Variants in SSBP2 observed in about 807,000 individuals in gnomAD.
SSBP2 encodes single stranded DNA binding protein 2.
SSBP2 carries 17 observed loss-of-function variants against 61.8 expected under a neutral mutation model. That is an observed-to-expected ratio of 0.28 (90% CI 0.19 to 0.41). The LOEUF is 0.41. SSBP2 is among the 10% of genes least tolerant of loss of function. The probability of loss-of-function intolerance (pLI) is 1.00; values close to 1 mark genes in which losing one functional copy is unlikely to be tolerated. For missense variants in SSBP2, 310 were observed against 458.7 expected, an observed-to-expected ratio of 0.68 and a Z score of 2.96; for synonymous variants, 139 against 141.3, an observed-to-expected ratio of 0.98 and a Z score of 0.12.
At chr5:81,596,162 A>G (rs979196836) in intron 4 of SSBP2, among the ~76,000 whole-genome samples, 2 of 152,194 alleles carry the variant, frequency 1.3e-5, no homozygotes, top group Non-Finnish European at 2.9e-5. Flanking sequence ...AAATCAATCT[A>G]CAAAAATCAC....
At chr5:81,623,436 C>T (rs1350791716) in intron 3 of SSBP2, among the ~76,000 whole-genome samples, 4 of 147,566 alleles carry the variant, frequency 2.7e-5, no homozygotes, top group South Asian at 4.3e-4. Context: ...CCCGGGTTCA[C>T]GCCATTCTCC....
chr5:81,734,628 C>A (rs1756473484), intron 1 of SSBP2, among the ~76,000 whole-genome samples: 1 of 152,142 alleles, frequency 6.6e-6, no homozygotes, highest in South Asian at 2.1e-4. Flanking sequence ...AAATCATTAC[C>A]TTTATTGAAG....
At chr5:81,582,426 T>C (rs1230025197) in intron 4 of SSBP2, among the ~76,000 whole-genome samples, 1 of 152,182 alleles carries the variant, frequency 6.6e-6, no homozygotes, top group African/African-American at 2.4e-5. Context: ...TTGAACCTAA[T>C]GCATATGTAC....
chr5:81,675,470 T>C (rs1433476022), intron 1 of SSBP2, among the ~76,000 whole-genome samples: 2 of 152,134 alleles, frequency 1.3e-5, no homozygotes, highest in African/African-American at 4.8e-5. Flanking sequence ...GAATATACCA[T>C]TTTAGGGATG....
At chr5:81,537,587 CCATT>C (rs1770909041) in intron 4 of SSBP2, among the ~76,000 whole-genome samples, 1 of 152,184 alleles carries the variant, frequency 6.6e-6, no homozygotes, top group Non-Finnish European at 1.5e-5. Flanking sequence ...GAACAAGTCT[CCATT>C]CATCATTTAT....
chr5:81,582,569 A>G (rs1581084590), intron 4 of SSBP2, among the ~76,000 whole-genome samples: 1 of 152,276 alleles, frequency 6.6e-6, no homozygotes, highest in East Asian at 1.9e-4. Flanking sequence ...TTGATAGTAA[A>G]CATAATCAGA....
chr5:81,548,452 ACAGCACTATAC>A (rs1416857661), intron 4 of SSBP2, among the ~76,000 whole-genome samples: 1 of 152,210 alleles, frequency 6.6e-6, no homozygotes, highest in Non-Finnish European at 1.5e-5. Context: ...ATATGTTCAG[ACAGCACTATAC>A]CAGTCCTTGA....
rs200002289 is a variant in SSBP2 at position 81,732,027 on chromosome 5, C to T, written c.62+18954G>A. 1.8e-4 allele frequency among the ~76,000 whole-genome samples: 28 copies of T among 152,048 alleles called. No individual in the cohort carries two copies. The East Asian group carries it at 3.5e-3, about 19-fold the overall frequency. On this transcript the variant is annotated intron_variant, in intron 1 of 16. Coordinates refer to ENST00000320672, the MANE Select transcript of SSBP2 (RefSeq NM_012446.5). ...TGTGATTTGCTGTCTTATATCAAAT[C>T]GAGGTTACCTCTAATATCATCCACC... is the stretch of plus-strand genomic sequence containing the variant.
intron 3 of SSBP2, among the ~76,000 whole-genome samples, chr5:81,622,387 A>G (rs1746679627): frequency 6.6e-6 from 1 of 152,218 alleles, no homozygotes; most frequent in Non-Finnish European, 1.5e-5. Context: ...CCCACCTATA[A>G]AAGTGGAAGG....
chr5:81,673,668 A>C (rs1166442845), intron 1 of SSBP2, among the ~76,000 whole-genome samples: 2 of 152,224 alleles, frequency 1.3e-5, no homozygotes, highest in East Asian at 3.8e-4. Context: ...GAAATGGCTG[A>C]AAGTGTCAGT....
intron 1 of SSBP2, among the ~76,000 whole-genome samples, chr5:81,671,665 G>GA (rs999551420): frequency 6.6e-6 from 1 of 151,804 alleles, no homozygotes; most frequent in African/African-American, 2.4e-5. Context: ...CAGCACTTAA[G>GA]AAAAAAACAA....
chr5:81,698,596 G>A (rs970726029), intron 1 of SSBP2, among the ~76,000 whole-genome samples: 3 of 152,190 alleles, frequency 2.0e-5, no homozygotes, highest in African/African-American at 7.2e-5. Flanking sequence ...CGGATTACTT[G>A]AGGTCAGGAG....
chr5:81,690,488 G>A (rs902919567), intron 1 of SSBP2, among the ~76,000 whole-genome samples: 1 of 151,870 alleles, frequency 6.6e-6, no homozygotes, highest in African/African-American at 2.4e-5. Context: ...AGACAAAGAA[G>A]GCCATTATAT....
At chr5:81,654,797 C>T (rs1246816878) in intron 1 of SSBP2, among the ~76,000 whole-genome samples, 1 of 152,136 alleles carries the variant, frequency 6.6e-6, no homozygotes, top group Non-Finnish European at 1.5e-5. Flanking sequence ...TAAATCACAG[C>T]TTGGTGCCAT....
At chr5:81,537,749 A>C (rs1770921961) in intron 4 of SSBP2, among the ~76,000 whole-genome samples, 2 of 152,104 alleles carry the variant, frequency 1.3e-5, no homozygotes, top group Admixed American at 1.3e-4. Context: ...GACAAACATA[A>C]TCCATAGATG....
At chr5:81,462,240 A>G (rs1764593489) in intron 9 of SSBP2, among the ~76,000 whole-genome samples, 1 of 152,248 alleles carries the variant, frequency 6.6e-6, no homozygotes, top group Non-Finnish European at 1.5e-5. Context: ...GTTGGGTCAC[A>G]TTCAAAGCCG....
chr5:81,613,462 A>G (rs1391719982), intron 4 of SSBP2, among the ~76,000 whole-genome samples: 3 of 152,232 alleles, frequency 2.0e-5, no homozygotes, highest in African/African-American at 7.2e-5. Flanking sequence ...GATGATGATG[A>G]TGATGAAAGT....
intron 4 of SSBP2, among the ~76,000 whole-genome samples, chr5:81,609,896 G>A (rs1408388286): frequency 3.3e-5 from 5 of 152,106 alleles, no homozygotes; most frequent in Non-Finnish European, 5.9e-5. Context: ...AAAGCCCTGG[G>A]CTCAGCCACA....
At chr5:81,663,335 T>C (rs1162349638) in intron 1 of SSBP2, among the ~76,000 whole-genome samples, 1 of 152,168 alleles carries the variant, frequency 6.6e-6, no homozygotes, top group Non-Finnish European at 1.5e-5. Context: ...ATATAACAAA[T>C]CATTATTTAA....
Sources: allele counts gnomAD v4.1 joint callset (sites outside exome capture counted in the v4.1 genomes callset), GRCh38; gene constraint gnomAD v4.1.1; transcripts MANE v1.5; gene names NCBI Gene and HGNC (gene_info 2026-07-23, HGNC 2026-07-21).